Variants in VPS13C observed in about 807,000 individuals in gnomAD.
The protein encoded by VPS13C is intermembrane lipid transfer protein VPS13C.
VPS13C carries 358 observed loss-of-function variants against 456.8 expected under a neutral mutation model. The observed-to-expected ratio is 0.78, with a 90% CI of 0.72 to 0.86. The LOEUF (loss-of-function observed/expected upper bound fraction) is 0.86. Ranked by LOEUF, VPS13C falls within the 40% of genes least tolerant of loss-of-function variation. The pLI, the probability that VPS13C is intolerant of heterozygous loss-of-function variation, is 0.00. For missense variants in VPS13C, 4,818 were observed against 4,385.4 expected (o/e 1.10, Z -2.79); for synonymous variants, 1,578 against 1,486.7 (o/e 1.06, Z -1.41).
intron 11 of VPS13C, 137 bp downstream of exon 11, chr15:62,012,902 T>A (rs987479353): frequency 1.9e-6 from 1 of 520,242 alleles, no homozygotes. Context: ...TTTGAAAGGA[T>A]GTTTTTCATA....
At chr15:61,924,022 C>A (rs749824777) in intron 53 of VPS13C, among the ~76,000 whole-genome samples, 1 of 150,560 alleles carries the variant, frequency 6.6e-6, no homozygotes, top group Non-Finnish European at 1.5e-5. Flanking sequence ...CCCGCCACTA[C>A]GCCCGGCTAA....
chr15:61,958,669 T>C lies in VPS13C; in HGVS notation c.4104A>G (p.Thr1368=). ...EDLNLLFRIL[T]ENLCEGTEDL... is the part of the protein sequence containing the mutation. Reference sequence around the variant, plus strand: ...CTTCAGTACCCTCACAGAGATTTTCTGTTAGTATCCTAAATAAAAGATTAA... The same window carrying C: ...CTTCAGTACCCTCACAGAGATTTTCCGTTAGTATCCTAAATAAAAGATTAA... The change falls in exon 37 of 85, where the codon ACA becomes ACG. Residue 1368 remains threonine (T), a synonymous_variant. Coordinates refer to ENST00000644861, the MANE Select transcript of VPS13C (RefSeq NM_020821.3). 6.4e-7 allele frequency: 1 copy of C among 1,574,350 alleles called. No individual in the cohort carries two copies. Among genetic ancestry groups the C allele is most frequent in the South Asian group, 1.2e-5 (1 of 83,848 alleles).
chr15:61,991,177 C>A (rs1363073875), intron 17 of VPS13C, 83 bp from the exon 18 acceptor site: 3 of 1,068,630 alleles, frequency 2.8e-6, no homozygotes, highest in Admixed American at 2.4e-5. Flanking sequence ...TAACAAGTAT[C>A]CTAAAATCAA....
intron 66 of VPS13C, among the ~76,000 whole-genome samples, chr15:61,897,504 G>C (rs28868694): frequency 3.3e-5 from 5 of 152,152 alleles, no homozygotes; most frequent in African/African-American, 1.2e-4. Context: ...GGGTATCAGC[G>C]ATGGAAGATG....
chr15:61,883,481 C>A (rs1896030645), intron 68 of VPS13C, among the ~76,000 whole-genome samples: 1 of 152,088 alleles, frequency 6.6e-6, no homozygotes, highest in African/African-American at 2.4e-5. Context: ...ACAGTGCTAA[C>A]CAAACCATCA....
In VPS13C at chr15:61,966,158, A is replaced by C. The variant is rs762011936; in HGVS notation, c.2992-16T>G. 1.3e-6 allele frequency: 2 copies of C among 1,588,624 alleles called. No homozygotes were observed. Among genetic ancestry groups the C allele is most frequent in the African/African-American group, 2.7e-5 (2 of 74,012 alleles). On this transcript the variant is annotated splice_polypyrimidine_tract_variant and intron_variant, in intron 29 of 84. Coordinates refer to ENST00000644861, the MANE Select transcript of VPS13C (RefSeq NM_020821.3). Reference sequence around the variant, plus strand: ...TCTTATCAGCCTGAAAAAAGAAGTAAAAGTTCTAAAGAAGGTACTAGGATC... The same window carrying C: ...TCTTATCAGCCTGAAAAAAGAAGTACAAGTTCTAAAGAAGGTACTAGGATC...
rs929519618 is a variant in VPS13C at position 61,995,285 on chromosome 15, A to G, written c.1354-3483T>C. On this transcript the variant is annotated intron_variant, in intron 16 of 84. Coordinates refer to ENST00000644861, the MANE Select transcript of VPS13C (RefSeq NM_020821.3). The stretch of plus-strand genomic sequence containing the variant: ...ACTTTGAAAAGTAAGCAAAGCAGGC[A>G]AATAGTAGAAGGGGTCACAATTTGG... Among the ~76,000 whole-genome samples, 4 of 152,342 alleles carry G rather than the reference A, an allele frequency of 2.6e-5. No homozygotes were observed. In the South Asian group the frequency reaches 8.3e-4, roughly 32 times the overall value.
intron 9 of VPS13C, among the ~76,000 whole-genome samples, chr15:62,014,576 G>A (rs1349612522): frequency 6.6e-6 from 1 of 152,088 alleles, no homozygotes; most frequent in Non-Finnish European, 1.5e-5. Context: ...GATTGTAATT[G>A]CAAAGAAAAA....
chr15:61,950,310 G>C, intron 41 of VPS13C, 48 bp downstream of exon 41: 1 of 1,383,254 alleles, frequency 7.2e-7, no homozygotes, highest in Non-Finnish European at 1.0e-6. Flanking sequence ...TATGAAGCTA[G>C]ATATAATCAA....
At chr15:62,010,797 G>A (rs77630509) in intron 12 of VPS13C, among the ~76,000 whole-genome samples, 198 bp from the exon 13 acceptor site, 1,688 of 152,192 alleles carry the variant, frequency 0.011, 41 homozygotes, top group African/African-American at 0.039. Context: ...TGGTTAAAGC[G>A]AAATCTCCAA....
At chr15:61,948,616 G>A (rs1216205941) in intron 42 of VPS13C, among the ~76,000 whole-genome samples, 1 of 151,852 alleles carries the variant, frequency 6.6e-6, no homozygotes. Flanking sequence ...CTGGGAAGCG[G>A]AGGTTGCAGT....
chr15:62,008,298 G>T (rs761617852), intron 14 of VPS13C, among the ~76,000 whole-genome samples: 4 of 152,018 alleles, frequency 2.6e-5, no homozygotes, highest in Non-Finnish European at 5.9e-5. Context: ...TACTTGGGAG[G>T]CTGAAGCAGG....
At chr15:61,889,036 A>T (rs1255757046) in intron 67 of VPS13C, among the ~76,000 whole-genome samples, 1 of 152,134 alleles carries the variant, frequency 6.6e-6, no homozygotes, top group Admixed American at 6.6e-5. Context: ...TGATTTTTAA[A>T]ATTATGTAAC....
chr15:61,944,174 A>T (rs7170293), intron 45 of VPS13C, among the ~76,000 whole-genome samples: 92,587 of 152,046 alleles, frequency 0.61, 28,505 homozygotes, highest in East Asian at 0.76. Context: ...GAAGAGAACA[A>T]TTACATAACT....
chr15:61,925,665 T>C (rs1435348027), intron 52 of VPS13C, 117 bp from the exon 53 acceptor site: 6 of 678,520 alleles, frequency 8.8e-6, no homozygotes, highest in Non-Finnish European at 1.3e-5. Context: ...GCTATTATAC[T>C]AAAAGCAAAA....
At chr15:61,910,044 T>G in intron 64 of VPS13C, 133 bp downstream of exon 64, 1 of 329,886 alleles carries the variant, frequency 3.0e-6, no homozygotes, top group Non-Finnish European at 4.4e-6. Flanking sequence ...AGTTAATGGG[T>G]GCAGCACACC....
rs192500720 is a variant in VPS13C at position 62,005,859 on chromosome 15, C to G, written c.1290+1449G>C. Among the ~76,000 whole-genome samples, 57 of 151,688 alleles carry G rather than the reference C, an allele frequency of 3.8e-4. 1 individual carries two copies. The East Asian group carries it at 7.8e-3, about 21-fold the overall frequency. On this transcript the variant is annotated intron_variant, in intron 15 of 84. Coordinates refer to ENST00000644861, the MANE Select transcript of VPS13C (RefSeq NM_020821.3). ...CTGGGATTACGGGTGCCCACCACCA[C>G]GCCCAGCTAATTTTTTGTATTTTTA...
chr15:61,876,834 A>AT, intron 75 of VPS13C, 139 bp downstream of exon 75: 2 of 567,324 alleles, frequency 3.5e-6, no homozygotes, highest in Non-Finnish European at 5.7e-6. Flanking sequence ...GAAATTAATC[A>AT]TTGAAGAAAG....
chr15:61,911,875 G>A lies in VPS13C; in HGVS notation c.8680C>T (p.Pro2894Ser). The change falls in exon 63 of 85, where the codon CCA becomes TCA. Residue 2894 changes from proline to serine, a missense_variant. Physicochemically the swap from Pro to Ser is moderately conservative, Grantham distance 74. This residue lies in a region of VPS13C where 4,552 missense variants were observed against 4,130.6 expected (regional missense o/e 1.10). Coordinates refer to ENST00000644861, the MANE Select transcript of VPS13C (RefSeq NM_020821.3). Reference protein sequence around the residue: ...VGEIASDGSMPTNKWNYIASS... With the variant: ...VGEIASDGSMSTNKWNYIASS... Reference sequence around the variant, plus strand: ...GCAATATAGTTCCATTTATTAGTTGGCATTGAGCCATCAGATGCAATCTCG... The same window carrying A: ...GCAATATAGTTCCATTTATTAGTTGACATTGAGCCATCAGATGCAATCTCG... 6.2e-7 allele frequency: 1 copy of A among 1,611,670 alleles called. No individual in the cohort carries two copies. The highest frequency in any genetic ancestry group is 1.1e-5 in the South Asian group (1 of 90,570).
Sources: allele counts gnomAD v4.1 joint callset (sites outside exome capture counted in the v4.1 genomes callset), GRCh38; gene constraint gnomAD v4.1.1; regional missense constraint gnomAD v4.1.1; transcripts MANE v1.5; gene names NCBI Gene and HGNC (gene_info 2026-07-23, HGNC 2026-07-21).